Variants in MS4A10 observed in about 807,000 individuals in gnomAD.
MS4A10 encodes membrane spanning 4-domains A10, also known as membrane-spanning 4-domains subfamily A member 10.
Under a neutral mutation model 27.7 loss-of-function variants are expected in MS4A10, and 27 were observed. That is an observed-to-expected ratio of 0.98 (90% CI 0.72 to 1.35). The LOEUF (loss-of-function observed/expected upper bound fraction) is 1.35, where lower values mean the gene tolerates loss of function less well. Ranked by LOEUF, MS4A10 falls within the 40% of genes most tolerant of loss-of-function variation. The pLI is 0.00. For missense variants in MS4A10, 338 were observed against 324.7 expected (o/e 1.04, Z -0.32); for synonymous variants, 139 against 131.2 (o/e 1.06, Z -0.41).
chr11:60,798,894 G>T (rs1854579816), intron 7 of MS4A10, among the ~76,000 whole-genome samples: 1 of 152,188 alleles, frequency 6.6e-6, no homozygotes, highest in Non-Finnish European at 1.5e-5. Context: ...GATCAATGGT[G>T]GATGCACAGG....
intron 7 of MS4A10, among the ~76,000 whole-genome samples, chr11:60,799,353 A>ATTATTTGTGAAG (rs1854591117): frequency 1.3e-5 from 2 of 152,024 alleles, no homozygotes; most frequent in Admixed American, 1.3e-4. Context: ...AGTCTTCAGG[A>ATTATTTGTGAAG]CTTTTGCTTA....
chr11:60,792,251 A>G lies in MS4A10; in HGVS notation c.304-14A>G. Reference sequence around the variant, plus strand: ...CCCAGCTTCTCTCCTTTGACTTTCAAATCTGTCCTGCAGTTTCTCATTTCA... The same window carrying G: ...CCCAGCTTCTCTCCTTTGACTTTCAGATCTGTCCTGCAGTTTCTCATTTCA... On this transcript the variant is annotated splice_polypyrimidine_tract_variant and intron_variant, in intron 3 of 7. Coordinates refer to ENST00000308287, the MANE Select transcript of MS4A10 (RefSeq NM_206893.4). The G allele has an allele frequency of 1.9e-6, 3 of 1,612,302 alleles. No individual in the cohort carries two copies. In the South Asian group the frequency reaches 3.3e-5, roughly 18 times the overall value.
chr11:60,791,658 C>A, intron 3 of MS4A10, among the ~76,000 whole-genome samples: 1 of 152,368 alleles, frequency 6.6e-6, no homozygotes, highest in Non-Finnish European at 1.5e-5. Flanking sequence ...CCAAGCTCCA[C>A]GGCACTGTCT....
chr11:60,785,989 G>A (rs143647064), intron 1 of MS4A10, among the ~76,000 whole-genome samples: 2 of 152,208 alleles, frequency 1.3e-5, no homozygotes, highest in Non-Finnish European at 2.9e-5. Context: ...AGCACCAGGA[G>A]GAGGCTGGTT....
In MS4A10 at chr11:60,791,073, C is replaced by T; in HGVS notation, c.283C>T (p.Pro95Ser). The change falls in exon 3 of 8, where the codon CCA becomes TCA. Residue 95 changes from proline (P) to serine (S), a missense_variant. Coordinates refer to ENST00000308287, the MANE Select transcript of MS4A10 (RefSeq NM_206893.4). ...CCTGGTGGTGCTGAAGTCTTGGTAT[C>T]CATTCTGGGGGGCTGCCTCTGTGAG... ...LHLVVLKSWY[P>S]FWGAASFLIS... is the part of the protein sequence containing the mutation. 2 of 1,614,072 alleles carry T rather than the reference C, an allele frequency of 1.2e-6. No individual in the cohort carries two copies. Among genetic ancestry groups the T allele is most frequent in the Non-Finnish European group, 1.7e-6 (2 of 1,179,996 alleles).
At chr11:60,794,150 G>T in intron 5 of MS4A10, 47 bp downstream of exon 5, 1 of 1,609,912 alleles carries the variant, frequency 6.2e-7, no homozygotes, top group Non-Finnish European at 8.5e-7. Context: ...CGAAGGTGCT[G>T]CCTTGGATTT....
intron 1 of MS4A10, among the ~76,000 whole-genome samples, chr11:60,786,173 G>GCACACACA (rs776986366): frequency 5.2e-4 from 73 of 139,970 alleles, no homozygotes; most frequent in African/African-American, 2.0e-3. Flanking sequence ...GCACACACAT[G>GCACACACA]CACACACACA....
chr11:60,792,314 C>T lies in MS4A10; in HGVS notation c.353C>T (p.Thr118Ile), dbSNP rs1481926635. 11 of 1,609,124 alleles carry T rather than the reference C, an allele frequency of 6.8e-6. No individual in the cohort carries two copies. The highest frequency in any genetic ancestry group is 6.7e-5 in the African/African-American group (5 of 74,828). The change falls in exon 4 of 8, where the codon ACT becomes ATT. Residue 118 changes from threonine to isoleucine, a missense_variant. By Grantham distance (89) the Thr-to-Ile change is moderately conservative. Coordinates refer to ENST00000308287, the MANE Select transcript of MS4A10 (RefSeq NM_206893.4). ...ATAACAATGAAGACCTTTTCTAAAA[C>T]TTACCTGGTGAGTGGGCACACTGAG... The part of the protein sequence containing the change: ...LAITMKTFSK[T>I]YLKMLCLMTN...
intron 4 of MS4A10, 26 bp from the exon 5 acceptor site, chr11:60,793,946 C>T (rs1182202964): frequency 6.2e-7 from 1 of 1,612,808 alleles, no homozygotes; most frequent in Admixed American, 1.7e-5. Context: ...CTTTGGACAG[C>T]TGTTACCTTT....
At chr11:60,787,249 C>T (rs1055605023) in intron 1 of MS4A10, among the ~76,000 whole-genome samples, 13 of 152,144 alleles carry the variant, frequency 8.5e-5, no homozygotes, top group Non-Finnish European at 1.9e-4. Context: ...AAAAAAGTTC[C>T]TTTATGCACC....
intron 4 of MS4A10, 50 bp from the exon 5 acceptor site, chr11:60,793,922 C>T (rs778569715): frequency 1.9e-6 from 3 of 1,605,090 alleles, no homozygotes; most frequent in South Asian, 1.1e-5. Context: ...AGGACCTAGC[C>T]CCAGGTCTCC....
intron 5 of MS4A10, 42 bp from the exon 6 acceptor site, chr11:60,795,513 C>A: frequency 7.3e-7 from 1 of 1,366,234 alleles, no homozygotes; most frequent in Non-Finnish European, 9.8e-7. Flanking sequence ...TGCAGACACC[C>A]AGCGAGGCCT....
chr11:60,790,550 G>A, intron 2 of MS4A10, 32 bp downstream of exon 2: 3 of 1,611,664 alleles, frequency 1.9e-6, no homozygotes, highest in South Asian at 1.1e-5. Context: ...TCCCAGCAGT[G>A]GGAGGCAGAG....
rs758811499 is a variant in MS4A10 at position 60,790,357 on chromosome 11, A to T, written c.22A>T (p.Ile8Phe). The change falls in exon 2 of 8, where the codon ATT (isoleucine) becomes TTT (phenylalanine). Residue 8 changes from isoleucine (I) to phenylalanine (F), a missense_variant. Coordinates refer to ENST00000308287, the MANE Select transcript of MS4A10 (RefSeq NM_206893.4). MKAEATV[I>F]PSRCARGLPS... is the part of the protein sequence containing the mutation. ...ATCAATGAAAGCAGAAGCCACAGTT[A>T]TTCCCAGCCGTTGTGCTAGGGGGCT... 3.1e-6 allele frequency: 5 copies of T among 1,614,050 alleles called. No homozygotes were observed. The South Asian group carries it at 5.5e-5, about 18-fold the overall frequency.
rs1244583562 is a variant in MS4A10, at chr11:60,800,135, T to G, written c.*226T>G. ...TGTGGTGGCCCAGATTGTTTTGTTT[T>G]GTTTCGCTTTGTTTTGTTTTCTTTT... On this transcript the variant is annotated 3_prime_UTR_variant, in exon 8 of 8. Coordinates refer to ENST00000308287, the MANE Select transcript of MS4A10 (RefSeq NM_206893.4). 2 of 596,098 alleles carry G rather than the reference T, an allele frequency of 3.4e-6. No homozygotes were observed. The highest frequency in any genetic ancestry group is 3.7e-5 in the African/African-American group (2 of 54,012). 36.9% of individuals were successfully genotyped at this position (596,098 alleles called of 1,614,324 possible). A position where few individuals can be genotyped will look rare whatever the true frequency, so the allele number is the denominator to read the frequency against.
At chr11:60,796,116 G>T (rs951274402) in intron 6 of MS4A10, among the ~76,000 whole-genome samples, 1 of 152,144 alleles carries the variant, frequency 6.6e-6, no homozygotes, top group African/African-American at 2.4e-5. Flanking sequence ...GGCTGTAGTG[G>T]AAACAAGTGA....
rs1257791065 is a variant in MS4A10, at chr11:60,791,013, G to C, written c.223G>C (p.Gly75Arg). 3.7e-6 allele frequency: 6 copies of C among 1,614,148 alleles called. No individual in the cohort carries two copies. The highest frequency in any genetic ancestry group is 5.1e-6 in the Non-Finnish European group (6 of 1,180,010). ...CATCGCTCTGCTGCACCTGGTCTTT[G>C]GGGGCTACCTGGCCTCTATAGTCAA... ...ITIALLHLVF[G>R]GYLASIVKNL... The change falls in exon 3 of 8, where the codon GGG (glycine) becomes CGG (arginine). Residue 75 changes from glycine (G) to arginine (R), a missense_variant. Physicochemically the swap from Gly to Arg is moderately radical, Grantham distance 125 (BLOSUM62 -2). Transcript: ENST00000308287.
chr11:60,794,025 C>G lies in MS4A10; in HGVS notation c.414C>G (p.Gly138=). The change falls in exon 5 of 8, where the codon GGC becomes GGG. Residue 138 remains glycine (G), a synonymous_variant. Coordinates refer to ENST00000308287, the MANE Select transcript of MS4A10 (RefSeq NM_206893.4). ...NLISLFCVLS[G]LFVISKDLFL... ...TCAGCCTCTTTTGCGTGCTGTCTGGCCTCTTCGTCATCTCCAAGGATCTCT... is the reference window on the plus strand; with the variant it reads ...TCAGCCTCTTTTGCGTGCTGTCTGGGCTCTTCGTCATCTCCAAGGATCTCT... 6.2e-7 allele frequency: 1 copy of G among 1,614,166 alleles called. No individual in the cohort carries two copies. The highest frequency in any genetic ancestry group is 8.5e-7 in the Non-Finnish European group (1 of 1,180,028).
intron 6 of MS4A10, 94 bp downstream of exon 6, chr11:60,795,759 G>T: frequency 2.8e-6 from 2 of 723,058 alleles, no homozygotes; most frequent in Non-Finnish European, 2.0e-6. Context: ...GGTTACAAGA[G>T]GAGCGTGTTT....
Sources: allele counts gnomAD v4.1 joint callset (sites outside exome capture counted in the v4.1 genomes callset), GRCh38; gene constraint gnomAD v4.1.1; transcripts MANE v1.5; gene names NCBI Gene and HGNC (gene_info 2026-07-23, HGNC 2026-07-21).